U2SURP: variants seen among roughly 807,000 people sequenced by gnomAD.
U2SURP encodes the protein U2 snRNP-associated SURP motif-containing protein.
A neutral mutation model predicts 144.9 loss-of-function variants in U2SURP; 9 were observed. That is an observed-to-expected ratio of 0.06 (90% CI 0.04 to 0.11). The LOEUF is 0.11. Ranked by LOEUF, U2SURP falls within the 10% of genes least tolerant of loss-of-function variation. The pLI, the probability that U2SURP is intolerant of heterozygous loss-of-function variation, is 1.00. For synonymous variants in U2SURP, 408 were observed against 396.8 expected (o/e 1.03, Z -0.33); for missense variants, 724 against 1,226.7 (o/e 0.59, Z 6.12).
chr3:143,046,319 T>A (rs1295210738), intron 24 of U2SURP, among the ~76,000 whole-genome samples: 1 of 147,890 alleles, frequency 6.8e-6, no homozygotes, highest in Non-Finnish European at 1.5e-5. Context: ...TTTTATTTTT[T>A]TATTTTTTAT....
chr3:143,023,139 A>G, intron 12 of U2SURP, 75 bp downstream of exon 12: 4 of 1,289,200 alleles, frequency 3.1e-6, no homozygotes, highest in East Asian at 2.6e-5. Context: ...CTTTTCAACA[A>G]TTTTATAGAA....
chr3:143,010,940 A>G, intron 2 of U2SURP, 81 bp downstream of exon 2: 1 of 1,050,670 alleles, frequency 9.5e-7, no homozygotes, highest in South Asian at 1.6e-5. Context: ...CAATGATTTT[A>G]CTTGACAAAT....
At chr3:143,043,315 C>A in intron 24 of U2SURP, 39 bp downstream of exon 24, 1 of 1,547,022 alleles carries the variant, frequency 6.5e-7, no homozygotes, top group Admixed American at 2.0e-5. Flanking sequence ...ACTTTATTGG[C>A]TTTTCACTTT....
chr3:143,032,118 G>C (rs1306402427), intron 16 of U2SURP, among the ~76,000 whole-genome samples: 1 of 151,718 alleles, frequency 6.6e-6, no homozygotes, highest in African/African-American at 2.4e-5. Flanking sequence ...TGTCACCCAG[G>C]CTGGCATGCA....
intron 1 of U2SURP, among the ~76,000 whole-genome samples, chr3:143,008,136 A>G (rs1935938798): frequency 6.6e-6 from 1 of 152,226 alleles, no homozygotes; most frequent in African/African-American, 2.4e-5. Flanking sequence ...CAAATTGTGT[A>G]ATTTTGAAAG....
intron 23 of U2SURP, among the ~76,000 whole-genome samples, chr3:143,039,510 A>C (rs1219658834): frequency 1.3e-5 from 2 of 151,674 alleles, no homozygotes; most frequent in Admixed American, 6.6e-5. Flanking sequence ...GGTTGTAGGA[A>C]TCTCTCCTCT....
chr3:143,025,129 A>G (rs1267360150), intron 13 of U2SURP, among the ~76,000 whole-genome samples: 1 of 152,164 alleles, frequency 6.6e-6, no homozygotes, highest in Non-Finnish European at 1.5e-5. Flanking sequence ...ATAATCATGA[A>G]ACATTTTAAA....
At chr3:143,013,883 G>A (rs1936233363) in intron 3 of U2SURP, among the ~76,000 whole-genome samples, 1 of 152,026 alleles carries the variant, frequency 6.6e-6, no homozygotes, top group Non-Finnish European at 1.5e-5. Context: ...TATGTAAAAT[G>A]AGTGTTGTAG....
At position 143,059,918 on chromosome 3, in the gene U2SURP, A is replaced by T. The variant is rs1043866787; in HGVS notation, c.*3468A>T. ...GATTTTAGGGAGTGTTTAATTCATT[A>T]TCCTTTTGACTTAAAATTTTTGTTA... On this transcript the variant is annotated 3_prime_UTR_variant, in exon 28 of 28. Transcript: ENST00000473835. The T allele has an allele frequency of 1.3e-5, 2 of 152,366 alleles. No homozygotes were observed. Among genetic ancestry groups the T allele is most frequent in the African/African-American group, 4.8e-5 (2 of 41,440 alleles). 9.4% of individuals were successfully genotyped at this position (152,366 alleles called of 1,614,324 possible).
At chr3:143,027,540 A>G (rs1933225958) in intron 14 of U2SURP, among the ~76,000 whole-genome samples, 1 of 152,118 alleles carries the variant, frequency 6.6e-6, no homozygotes, top group South Asian at 2.1e-4. Flanking sequence ...ATCATACAAT[A>G]TTTGTCCTTT....
intron 1 of U2SURP, among the ~76,000 whole-genome samples, chr3:143,003,738 C>T (rs2108263543): frequency 7.9e-6 from 1 of 126,798 alleles, no homozygotes; most frequent in African/African-American, 2.9e-5. Context: ...GGCTGGAGTG[C>T]TGGAGTGCAG....
At position 143,032,778 on chromosome 3, in the gene U2SURP, G is replaced by A. The variant is rs759547674; in HGVS notation, c.1611-6G>A. On this transcript the variant is annotated splice_region_variant and splice_polypyrimidine_tract_variant and intron_variant, in intron 16 of 27. Coordinates refer to ENST00000473835, the MANE Select transcript of U2SURP (RefSeq NM_001080415.2). ...ATATTTATAAGTTAAAACAATTTAT[G>A]TTCAGACAGAGGGATAAATTGGAAG... 18 of 1,607,408 alleles carry A rather than the reference G, an allele frequency of 1.1e-5. No homozygotes were observed. The African/African-American group carries it at 2.1e-4, about 19-fold the overall frequency.
rs147724984 is a variant in U2SURP at position 143,042,209 on chromosome 3, T to C, written c.2385-908T>C. 1.9e-3 allele frequency among the ~76,000 whole-genome samples: 287 copies of C among 152,230 alleles called. 4 individuals are homozygous for C. Among genetic ancestry groups the C allele is most frequent in the Non-Finnish European group, 2.3e-3 (155 of 67,948 alleles). On this transcript the variant is annotated intron_variant, in intron 23 of 27. Transcript: ENST00000473835. Reference sequence around the variant, plus strand: ...TCTCTCAGGTTTTTATTTTCTTGTCTGACCCAGAACCAGTGCAACTTTCAG... The same window carrying C: ...TCTCTCAGGTTTTTATTTTCTTGTCCGACCCAGAACCAGTGCAACTTTCAG...
chr3:143,003,677 C>CTTTTTTTTATTTTTTTTTTTT (rs1935658340), intron 1 of U2SURP, among the ~76,000 whole-genome samples: 1 of 101,506 alleles, frequency 9.9e-6, no homozygotes, highest in Non-Finnish European at 1.9e-5. Context: ...TATTTTATTT[C>CTTTTTTTTATTTTTTTTTTTT]TTTTTTTTTT....
At chr3:143,045,571 T>C (rs1934390117) in intron 24 of U2SURP, among the ~76,000 whole-genome samples, 1 of 152,222 alleles carries the variant, frequency 6.6e-6, no homozygotes, top group East Asian at 1.9e-4. Context: ...TTTTGTTAAC[T>C]TAGGTCGTTT....
At chr3:143,025,140 AATACTT>A (rs1933057014) in intron 13 of U2SURP, among the ~76,000 whole-genome samples, 1 of 152,156 alleles carries the variant, frequency 6.6e-6, no homozygotes. Flanking sequence ...ACATTTTAAA[AATACTT>A]ATAAACTTTT....
At position 143,019,309 on chromosome 3, in the gene U2SURP, T is replaced by C. The variant is rs564937568; in HGVS notation, c.571-660T>C. On this transcript the variant is annotated intron_variant, in intron 6 of 27. Coordinates refer to ENST00000473835, the MANE Select transcript of U2SURP (RefSeq NM_001080415.2). ...CCAATTTATCAGTTTTTTTCTTTTG[T>C]TTACGCTTTTGGTGTCATATCTAAG... Among the ~76,000 whole-genome samples, 17 of 152,330 alleles carry C rather than the reference T, an allele frequency of 1.1e-4. No individual in the cohort carries two copies. In the South Asian group the frequency reaches 3.3e-3, roughly 30 times the overall value.
intron 24 of U2SURP, among the ~76,000 whole-genome samples, chr3:143,048,189 G>A (rs571687250): frequency 1.3e-5 from 2 of 152,338 alleles, no homozygotes; most frequent in East Asian, 1.9e-4. Context: ...CATTGCATGG[G>A]CCACTTCCTT....
At chr3:143,004,135 T>C (rs953523269) in intron 1 of U2SURP, among the ~76,000 whole-genome samples, 2 of 152,226 alleles carry the variant, frequency 1.3e-5, no homozygotes, top group African/African-American at 4.8e-5. Context: ...GAGTGGCTTA[T>C]ATTTTACAAT....
Sources: allele counts gnomAD v4.1 joint callset (sites outside exome capture counted in the v4.1 genomes callset), GRCh38; gene constraint gnomAD v4.1.1; transcripts MANE v1.5; gene names NCBI Gene and HGNC (gene_info 2026-07-23, HGNC 2026-07-21).